NAALADL2: variants seen among roughly 807,000 people sequenced by gnomAD.
The protein encoded by NAALADL2 is N-acetylated alpha-linked acidic dipeptidase like 2, also known as inactive N-acetylated-alpha-linked acidic dipeptidase-like protein 2.
A neutral mutation model predicts 87.2 loss-of-function variants in NAALADL2; 76 were observed. The observed-to-expected ratio is 0.87, with a 90% CI of 0.72 to 1.05. NAALADL2 has a LOEUF of 1.05. Ranked by LOEUF, NAALADL2 falls within the 50% of genes least tolerant of loss-of-function variation. NAALADL2 has a pLI of 0.00. For missense variants in NAALADL2, 1,089 were observed against 945.8 expected (o/e 1.15, Z -1.99); for synonymous variants, 354 against 331.0 (o/e 1.07, Z -0.75).
chr3:174,549,621 G>A lies in NAALADL2; in HGVS notation c.-183-948G>A, dbSNP rs116747706. 3.2e-3 allele frequency among the ~76,000 whole-genome samples: 492 copies of A among 152,276 alleles called. 2 individuals are homozygous for A. The highest frequency in any genetic ancestry group is 0.011 in the African/African-American group (471 of 41,570). ...TGGGCAAACAGTTACTTATTTTATG[G>A]CATACACTAACTCTGAAAGTTCAGT... On this transcript the variant is annotated intron_variant, in intron 1 of 3. Coordinates refer to the NAALADL2 transcript ENST00000434257.
At chr3:175,685,449 GGTGTGTGTGTGTGTGTGTGTGTGTGT>G (rs59449046) in intron 11 of NAALADL2, among the ~76,000 whole-genome samples, 1 of 144,586 alleles carries the variant, frequency 6.9e-6, no homozygotes, top group Non-Finnish European at 1.5e-5. Context: ...ACCAACAGGA[GGTGTGTGTGTGTGTGTGTGTGTGTGT>G]GTGTGTGTGT....
intron 1 of NAALADL2, among the ~76,000 whole-genome samples, chr3:174,514,033 A>G (rs1160990664): frequency 6.6e-6 from 1 of 152,070 alleles, no homozygotes; most frequent in Non-Finnish European, 1.5e-5. Context: ...CAAATTAGCT[A>G]TCCTTATTTA....
At chr3:174,759,128 A>G (rs11707547) in intron 3 of NAALADL2, among the ~76,000 whole-genome samples, 29,903 of 152,048 alleles carry the variant, frequency 0.2, 3,163 homozygotes, top group Middle Eastern at 0.28. Flanking sequence ...TCTGTTTTGC[A>G]TTTATGCTAC....
chr3:174,705,031 A>G (rs1729921979), intron 2 of NAALADL2, among the ~76,000 whole-genome samples: 1 of 152,218 alleles, frequency 6.6e-6, no homozygotes. Flanking sequence ...AAAAACAAGC[A>G]AAATCATTAT....
intron 1 of NAALADL2, among the ~76,000 whole-genome samples, chr3:175,086,634 A>G (rs575329321): frequency 3.3e-5 from 5 of 152,200 alleles, no homozygotes; most frequent in East Asian, 1.9e-4. Context: ...CCTGACATTT[A>G]GTTTCATATC....
intron 2 of NAALADL2, among the ~76,000 whole-genome samples, chr3:174,702,631 G>T (rs1004135456): frequency 6.6e-6 from 1 of 152,168 alleles, no homozygotes; most frequent in African/African-American, 2.4e-5. Flanking sequence ...CTATGATATA[G>T]GCTCTTGCTC....
At chr3:175,591,402 G>A (rs1304677519) in intron 10 of NAALADL2, among the ~76,000 whole-genome samples, 1 of 151,860 alleles carries the variant, frequency 6.6e-6, no homozygotes, top group East Asian at 1.9e-4. Flanking sequence ...TTCCAGAGGG[G>A]AAAAAATGGA....
chr3:175,477,618 T>A (rs1449991901), intron 9 of NAALADL2, among the ~76,000 whole-genome samples: 3 of 152,144 alleles, frequency 2.0e-5, no homozygotes, highest in African/African-American at 7.2e-5. Context: ...ATGTGTTTGT[T>A]ATTCCAACTT....
chr3:174,545,819 C>T (rs1381334525), intron 1 of NAALADL2, among the ~76,000 whole-genome samples: 1 of 151,122 alleles, frequency 6.6e-6, no homozygotes, highest in Non-Finnish European at 1.5e-5. Context: ...TGATGAGTTC[C>T]TTAGTTTTAT....
At chr3:175,520,377 C>G (rs1479721384) in intron 9 of NAALADL2, among the ~76,000 whole-genome samples, 2 of 146,200 alleles carry the variant, frequency 1.4e-5, no homozygotes, top group Non-Finnish European at 3.0e-5. Flanking sequence ...CGGCTCACTG[C>G]AAGCTCCGCT....
At chr3:175,171,684 A>T (rs181767649) in intron 2 of NAALADL2, among the ~76,000 whole-genome samples, 75 of 152,258 alleles carry the variant, frequency 4.9e-4, no homozygotes, top group African/African-American at 1.7e-3. Flanking sequence ...TAACAGAAGA[A>T]CAGGTGAAAT....
chr3:174,880,936 T>G (rs1214082215), intron 1 of NAALADL2, among the ~76,000 whole-genome samples: 3 of 152,104 alleles, frequency 2.0e-5, no homozygotes, highest in African/African-American at 7.2e-5. Flanking sequence ...TCCTTGGAAT[T>G]CCTTGGCTTG....
chr3:174,901,386 G>A (rs1021676941), intron 1 of NAALADL2, among the ~76,000 whole-genome samples: 7 of 152,126 alleles, frequency 4.6e-5, no homozygotes. Flanking sequence ...GTGGGTAGGA[G>A]GCCTAATACC....
At chr3:175,788,267 G>T (rs1433437600) in intron 13 of NAALADL2, among the ~76,000 whole-genome samples, 1 of 151,566 alleles carries the variant, frequency 6.6e-6, no homozygotes, top group African/African-American at 2.4e-5. Context: ...TAATTTTTGT[G>T]TATTTTGTAA....
chr3:174,892,489 G>C (rs947336135), intron 1 of NAALADL2, among the ~76,000 whole-genome samples: 1 of 152,022 alleles, frequency 6.6e-6, no homozygotes, highest in Non-Finnish European at 1.5e-5. Context: ...GTACGATCTA[G>C]AAAATAGCCT....
At chr3:174,983,715 G>A (rs1452801548) in intron 1 of NAALADL2, among the ~76,000 whole-genome samples, 3 of 152,020 alleles carry the variant, frequency 2.0e-5, no homozygotes, top group Admixed American at 1.3e-4. Context: ...CAAAGGCCCC[G>A]ACTCCTAATA....
chr3:175,128,465 T>C (rs1727302463), intron 2 of NAALADL2, among the ~76,000 whole-genome samples: 1 of 103,118 alleles, frequency 9.7e-6, no homozygotes, highest in Non-Finnish European at 1.9e-5. Context: ...ACCTTTTTTT[T>C]CTCTTTTGTG....
chr3:175,585,989 T>A (rs1055737344), intron 10 of NAALADL2, among the ~76,000 whole-genome samples: 4 of 152,178 alleles, frequency 2.6e-5, no homozygotes, highest in African/African-American at 7.2e-5. Context: ...GATGATTTTT[T>A]TAAAAATTTA....
At chr3:175,528,414 G>A (rs1733694863) in intron 9 of NAALADL2, among the ~76,000 whole-genome samples, 1 of 151,866 alleles carries the variant, frequency 6.6e-6, no homozygotes, top group South Asian at 2.1e-4. Context: ...AGCTGTGCTG[G>A]CAGCTGATTA....
Sources: gnomAD v4.1 joint callset for allele counts (sites outside exome capture counted in the v4.1 genomes callset) on GRCh38, gnomAD v4.1.1 for gene constraint, MANE v1.5 for transcripts, NCBI Gene and HGNC (gene_info 2026-07-23, HGNC 2026-07-21) for gene names.